NUP205: variants seen among roughly 807,000 people sequenced by gnomAD.
The protein encoded by NUP205 is nuclear pore complex protein Nup205.
A neutral mutation model predicts 253.8 loss-of-function variants in NUP205; 76 were observed. The ratio of observed to expected loss-of-function variants is 0.30; its 90% confidence interval spans 0.25 to 0.36. The LOEUF (loss-of-function observed/expected upper bound fraction) is 0.36, where lower values mean the gene tolerates loss of function less well. Among genes scored for constraint, NUP205 ranks in the 10% least tolerant of loss-of-function variants. The pLI, the probability that NUP205 is intolerant of heterozygous loss-of-function variation, is 1.00. For missense variants in NUP205, 2,162 were observed against 2,425.5 expected, an observed-to-expected ratio of 0.89 and a Z score of 2.28; for synonymous variants, 832 against 850.1, an observed-to-expected ratio of 0.98 and a Z score of 0.37.
chr7:135,578,120 G>A (rs898687760), intron 6 of NUP205, 96 bp downstream of exon 6: 29 of 813,962 alleles, frequency 3.6e-5, no homozygotes, highest in Admixed American at 2.6e-4. Flanking sequence ...TACTAAAATA[G>A]TCTGCTCTGT....
rs187153579 is a variant in NUP205 at position 135,568,533 on chromosome 7, C to T, written c.29-2572C>T. Among the ~76,000 whole-genome samples, 357 of 151,994 alleles carry T rather than the reference C, an allele frequency of 2.3e-3. 2 individuals carry two copies. The highest frequency in any genetic ancestry group is 8.1e-3 in the African/African-American group (335 of 41,474). ...ATTTTTAGTAGAGACAGGTTTTTACCATGTTGGCCAGGCTGGTCTCGAACT... is the reference window on the plus strand; with the variant it reads ...ATTTTTAGTAGAGACAGGTTTTTACTATGTTGGCCAGGCTGGTCTCGAACT... On this transcript the variant is annotated intron_variant, in intron 1 of 42. Transcript: ENST00000285968.
At chr7:135,566,511 G>T (rs553570706) in intron 1 of NUP205, among the ~76,000 whole-genome samples, 1 of 152,176 alleles carries the variant, frequency 6.6e-6, no homozygotes, top group Non-Finnish European at 1.5e-5. Flanking sequence ...AGATTGGAAA[G>T]TGTGGGACTA....
intron 3 of NUP205, among the ~76,000 whole-genome samples, chr7:135,574,829 A>G (rs1207242298): frequency 6.6e-6 from 1 of 152,200 alleles, no homozygotes; most frequent in Non-Finnish European, 1.5e-5. Context: ...TTTAATTATA[A>G]TGGAGGAGCC....
chr7:135,644,743 G>A (rs1447359785), intron 39 of NUP205, 152 bp from the exon 40 acceptor site: 2 of 676,208 alleles, frequency 3.0e-6, no homozygotes, highest in Admixed American at 7.1e-5. Context: ...TTTAAAAATT[G>A]CTAGCTTCTT....
At chr7:135,579,615 C>G (rs1806250036) in intron 7 of NUP205, among the ~76,000 whole-genome samples, 1 of 151,986 alleles carries the variant, frequency 6.6e-6, no homozygotes, top group Non-Finnish European at 1.5e-5. Flanking sequence ...TTTTTCCATA[C>G]AGTGTATTAA....
intron 7 of NUP205, among the ~76,000 whole-genome samples, chr7:135,580,296 C>T (rs553302791): frequency 1.3e-5 from 2 of 152,300 alleles, no homozygotes; most frequent in East Asian, 3.9e-4. Context: ...TAATTTCTAT[C>T]TGTCTGTCAT....
intron 1 of NUP205, among the ~76,000 whole-genome samples, chr7:135,567,709 A>T (rs1433960984): frequency 1.3e-5 from 2 of 152,096 alleles, no homozygotes; most frequent in Non-Finnish European, 2.9e-5. Context: ...TGTTGTTCTT[A>T]TATCCTGGTA....
At chr7:135,558,685 C>T (rs1272810855) in intron 1 of NUP205, among the ~76,000 whole-genome samples, 1 of 152,198 alleles carries the variant, frequency 6.6e-6, no homozygotes, top group Non-Finnish European at 1.5e-5. Flanking sequence ...TTTTGATTGT[C>T]ATATTTCCTG....
At chr7:135,626,404 G>C in intron 33 of NUP205, 43 bp downstream of exon 33, 1 of 1,570,052 alleles carries the variant, frequency 6.4e-7, no homozygotes, top group Non-Finnish European at 8.6e-7. Flanking sequence ...TCCCAGTAAA[G>C]GATTATTAAG....
chr7:135,639,295 C>G (rs923419264), intron 38 of NUP205, among the ~76,000 whole-genome samples: 2 of 152,032 alleles, frequency 1.3e-5, no homozygotes, highest in Admixed American at 1.3e-4. Context: ...AAAATTTTGT[C>G]ACATTTTCAT....
chr7:135,564,149 G>C (rs962998217), intron 1 of NUP205, among the ~76,000 whole-genome samples: 37 of 151,666 alleles, frequency 2.4e-4, no homozygotes, highest in African/African-American at 8.7e-4. Flanking sequence ...CTCAGTCATG[G>C]CATACTACAG....
chr7:135,564,332 T>C (rs149562580), intron 1 of NUP205, among the ~76,000 whole-genome samples: 9,579 of 150,734 alleles, frequency 0.064, 378 homozygotes, highest in South Asian at 0.14. Flanking sequence ...CTGCAACCTC[T>C]GCCTCCTGGG....
At chr7:135,616,861 A>G (rs1794372428) in intron 25 of NUP205, 135 bp downstream of exon 25, 1 of 644,330 alleles carries the variant, frequency 1.6e-6, no homozygotes. Context: ...ATTAATTGCC[A>G]CCTGAAAATT....
chr7:135,570,898 ATT>A (rs1185158559), intron 1 of NUP205, among the ~76,000 whole-genome samples: 6 of 124,314 alleles, frequency 4.8e-5, no homozygotes, highest in African/African-American at 1.8e-4. Flanking sequence ...TATATTATAT[ATT>A]TATATATAAT....
chr7:135,605,269 G>T (rs928795599), intron 19 of NUP205, among the ~76,000 whole-genome samples: 4 of 152,004 alleles, frequency 2.6e-5, no homozygotes, highest in African/African-American at 9.7e-5. Flanking sequence ...TGCCCATCTC[G>T]GCCTCCCAAA....
chr7:135,592,863 G>A (rs1168599411), intron 11 of NUP205, 124 bp from the exon 12 acceptor site: 2 of 707,556 alleles, frequency 2.8e-6, no homozygotes, highest in South Asian at 1.9e-5. Context: ...CTCCAGCCTG[G>A]GTGACAGTGA....
chr7:135,635,341 C>T (rs572180417), intron 35 of NUP205: 140 of 298,178 alleles, frequency 4.7e-4, no homozygotes, highest in African/African-American at 2.7e-3. Context: ...ACTAAAAATG[C>T]CTTTTAAGAT....
intron 33 of NUP205, among the ~76,000 whole-genome samples, 162 bp from the exon 34 acceptor site, chr7:135,627,811 C>T (rs956802585): frequency 6.6e-6 from 1 of 152,132 alleles, no homozygotes; most frequent in African/African-American, 2.4e-5. Context: ...GAAGACACAT[C>T]TTTCTCTGGA....
At chr7:135,615,661 TG>T (rs1460110554) in intron 23 of NUP205, among the ~76,000 whole-genome samples, 1 of 152,232 alleles carries the variant, frequency 6.6e-6, no homozygotes, top group African/African-American at 2.4e-5. Context: ...AAATCAGTAA[TG>T]AAAACTTGAT....
Sources: gnomAD v4.1 joint callset for allele counts (sites outside exome capture counted in the v4.1 genomes callset) on GRCh38, gnomAD v4.1.1 for gene constraint, MANE v1.5 for transcripts, NCBI Gene and HGNC (gene_info 2026-07-23, HGNC 2026-07-21) for gene names.